Variants in R3HDM4 observed in about 807,000 individuals in gnomAD.
R3HDM4 encodes R3H domain-containing protein 4.
R3HDM4 carries 30 observed loss-of-function variants against 31.3 expected under a neutral mutation model. The ratio of observed to expected loss-of-function variants is 0.96; its 90% CI spans 0.72 to 1.30. The LOEUF (loss-of-function observed/expected upper bound fraction) is 1.30. R3HDM4 is among the 50% of genes most tolerant of loss of function. The pLI, the probability that R3HDM4 is intolerant of heterozygous loss-of-function variation, is 0.00. For synonymous variants in R3HDM4, 196 were observed against 156.6 expected, an observed-to-expected ratio of 1.25 and a Z score of -1.88; for missense variants, 444 against 366.1, an observed-to-expected ratio of 1.21 and a Z score of -1.74.
chr19:908,483 G>A (rs994817445), intron 1 of R3HDM4, among the ~76,000 whole-genome samples: 1 of 151,786 alleles, frequency 6.6e-6, no homozygotes, highest in Non-Finnish European at 1.5e-5. Flanking sequence ...AGTGGTGGGC[G>A]CCTGTGGTCC....
Position 899,324 on chromosome 19 carries a change from C to A in R3HDM4, c.703+116G>T. 2 of 1,075,626 alleles carry A rather than the reference C, an allele frequency of 1.9e-6. No individual in the cohort carries two copies. Among genetic ancestry groups the A allele is most frequent in the Non-Finnish European group, 2.8e-6 (2 of 714,046 alleles). 66.6% of individuals were successfully genotyped at this position (1,075,626 alleles called of 1,614,324 possible). A position where few individuals can be genotyped will look rare whatever the true frequency, so the allele number is the denominator to read the frequency against. ...TGAGTTCGTAGCGTCCCCACTCCAG[C>A]CCCCTTCCCCACCTCCCCACCAAGC... On this transcript the variant is annotated intron_variant, in intron 7 of 7. Coordinates refer to ENST00000361574, the MANE Select transcript of R3HDM4 (RefSeq NM_138774.4). This position sits in a 1 kb window ranked among gnomAD's most constrained non-coding sequence, Gnocchi z 6.8.
At chr19:900,036 G>C in intron 5 of R3HDM4, 25 bp downstream of exon 5, 1 of 1,608,582 alleles carries the variant, frequency 6.2e-7, no homozygotes, top group East Asian at 2.2e-5. Context: ...GGTAGAAAAG[G>C]GAGGCCCGGC....
rs2036752513 is a variant in R3HDM4 at position 897,392 on chromosome 19, T to G, written c.*45A>C. The G allele has an allele frequency of 7.0e-7, 1 of 1,421,232 alleles. No individual in the cohort carries two copies. The highest frequency in any genetic ancestry group is 2.2e-5 in the Admixed American group (1 of 44,890). 88.0% of individuals were successfully genotyped at this position (1,421,232 alleles called of 1,614,324 possible). A position where few individuals can be genotyped will look rare whatever the true frequency, so the allele number is the denominator to read the frequency against. On this transcript the variant is annotated 3_prime_UTR_variant, in exon 8 of 8. Coordinates refer to ENST00000361574, the MANE Select transcript of R3HDM4 (RefSeq NM_138774.4). ...ATTTTAGCCGAAGGTATCGGAGGGC[T>G]TGATGGCTGGGCGAGGTGGCAGCGG...
At position 898,100 on chromosome 19, in the gene R3HDM4, T is replaced by C. The variant is rs1265483929; in HGVS notation, c.704-560A>G. ...CTGACCAACATGGTGAAACCCTGTC[T>C]CTAGGGCTGGGCGCGGTGGCTTAAG... On this transcript the variant is annotated intron_variant, in intron 7 of 7. Coordinates refer to ENST00000361574, the MANE Select transcript of R3HDM4 (RefSeq NM_138774.4). Among the ~76,000 whole-genome samples, 4 of 152,056 alleles carry C rather than the reference T, an allele frequency of 2.6e-5. No individual in the cohort carries two copies. In the East Asian group the frequency reaches 7.7e-4, roughly 29 times the overall value.
In R3HDM4 at chr19:901,013, G is replaced by A. The variant is rs992969548; in HGVS notation, c.352-61C>T. 2.7e-5 allele frequency: 41 copies of A among 1,498,240 alleles called. 1 individual carries two copies. Among genetic ancestry groups the A allele is most frequent in the South Asian group, 2.7e-4 (20 of 75,134 alleles). The allele number at this position is 1,498,240 out of a possible 1,614,324, so 92.8% of individuals were successfully genotyped here. A position where few individuals can be genotyped will look rare whatever the true frequency, so the allele number is the denominator to read the frequency against. On this transcript the variant is annotated intron_variant, in intron 3 of 7. Transcript: ENST00000361574. ...ACACTGGGGCTGCGCTGACATCCCC[G>A]GGCAAATGGGCACGGTAAGGCCGCC...
In R3HDM4 at chr19:899,416, G is replaced by T; in HGVS notation, c.703+24C>A. On this transcript the variant is annotated intron_variant, in intron 7 of 7. Transcript: ENST00000361574. The surrounding 1 kb of genome is among the most constrained non-coding windows in gnomAD (Gnocchi z 6.8). ...CCCAGGTTGAGCTGGCCAACTTGGG[G>T]TCTTGGGGGCCACCGGCACTTACTG... The T allele has an allele frequency of 6.2e-7, 1 of 1,613,140 alleles. No individual in the cohort carries two copies. The highest frequency in any genetic ancestry group is 1.1e-5 in the South Asian group (1 of 91,070).
chr19:910,939 A>G (rs970698642), intron 1 of R3HDM4, among the ~76,000 whole-genome samples: 24 of 148,304 alleles, frequency 1.6e-4, no homozygotes, highest in Non-Finnish European at 2.2e-4. Flanking sequence ...CTCACACGGC[A>G]AAACCCCCGT....
intron 7 of R3HDM4, among the ~76,000 whole-genome samples, chr19:898,691 C>T (rs536572111): frequency 4.3e-4 from 65 of 152,242 alleles, no homozygotes; most frequent in Middle Eastern, 3.4e-3. Flanking sequence ...GGGACCCCCC[C>T]GTCCTCTACT....
At position 897,220 on chromosome 19, in the gene R3HDM4, T is replaced by A; in HGVS notation, c.*217A>T. The A allele has an allele frequency of 2.0e-6, 1 of 494,002 alleles. No individual in the cohort carries two copies. The highest frequency in any genetic ancestry group is 3.6e-6 in the Non-Finnish European group (1 of 280,044). 30.6% of individuals were successfully genotyped at this position (494,002 alleles called of 1,614,324 possible). A position where few individuals can be genotyped will look rare whatever the true frequency, so the allele number is the denominator to read the frequency against. On this transcript the variant is annotated 3_prime_UTR_variant, in exon 8 of 8. Coordinates refer to ENST00000361574, the MANE Select transcript of R3HDM4 (RefSeq NM_138774.4). Reference sequence around the variant, plus strand: ...CCCCACCCAAACACAAGTCCCGGAGTGGGAAGCTTGGAGCTGGGATGGCAT... The same window carrying A: ...CCCCACCCAAACACAAGTCCCGGAGAGGGAAGCTTGGAGCTGGGATGGCAT...
chr19:905,209 A>G (rs559002935), intron 1 of R3HDM4, among the ~76,000 whole-genome samples: 9 of 149,270 alleles, frequency 6.0e-5, no homozygotes, highest in Non-Finnish European at 1.3e-4. Context: ...CTTGGCCTCA[A>G]AAAAAAAAAG....
rs2036925887 is a variant in R3HDM4 at position 907,850 on chromosome 19, A to T, written c.71+5237T>A. 6.6e-6 allele frequency among the ~76,000 whole-genome samples: 1 copy of T among 152,166 alleles called. No individual in the cohort carries two copies. The highest frequency in any genetic ancestry group is 1.5e-5 in the Non-Finnish European group (1 of 68,020). On this transcript the variant is annotated intron_variant, in intron 1 of 7. Coordinates refer to ENST00000361574, the MANE Select transcript of R3HDM4 (RefSeq NM_138774.4). This position sits in a 1 kb window ranked among gnomAD's most constrained non-coding sequence, Gnocchi z 4.1. ...CCCCTGGGTCTCTAGTGCTGAGCTG[A>T]GCACTGGAAATCGAGTCCCACCATC...
At chr19:904,572 G>A (rs937120655) in intron 1 of R3HDM4, among the ~76,000 whole-genome samples, 3 of 151,966 alleles carry the variant, frequency 2.0e-5, no homozygotes, top group Non-Finnish European at 4.4e-5. Flanking sequence ...GGTGGCTCAT[G>A]CCTGTAATCC....
rs1182431690 is a variant in R3HDM4, at chr19:901,594, C to G, written c.227-48G>C. On this transcript the variant is annotated intron_variant, in intron 2 of 7. Coordinates refer to ENST00000361574, the MANE Select transcript of R3HDM4 (RefSeq NM_138774.4). ...TGGGCCGGGGTGGCATTTGGGGACC[C>G]CCAGGCACCATGGGGACCCAAGAAC... 11 of 1,577,536 alleles carry G rather than the reference C, an allele frequency of 7.0e-6. No individual in the cohort carries two copies. The Admixed American group carries it at 1.7e-4, about 25-fold the overall frequency.
In R3HDM4 at chr19:913,113, CT is replaced by C; in HGVS notation, c.44del (p.Glu15GlyfsTer19). 1 of 1,081,522 alleles carries C rather than the reference CT, an allele frequency of 9.2e-7. No individual in the cohort carries two copies. The highest frequency in any genetic ancestry group is 4.9e-5 in the Admixed American group (1 of 20,538). 67.0% of individuals were successfully genotyped at this position (1,081,522 alleles called of 1,614,324 possible). A position where few individuals can be genotyped will look rare whatever the true frequency, so the allele number is the denominator to read the frequency against. ...GCAGCCGCCGCCCGCCCGGGGTGCCCTCCGCCGCCTCCGGGCCGCACTCGGG... is the reference window on the plus strand; with the variant it reads ...GCAGCCGCCGCCCGCCCGGGGTGCCCCCGCCGCCTCCGGGCCGCACTCGGG... ...ENPECGPEAA[E>X]GTPGGRRLLP... On this transcript the variant is annotated frameshift_variant, in exon 1 of 8. Coordinates refer to ENST00000361574, the MANE Select transcript of R3HDM4 (RefSeq NM_138774.4). LOFTEE classifies it high-confidence loss of function. This position sits in a 1 kb window ranked among gnomAD's most constrained non-coding sequence, Gnocchi z 5.0.
intron 4 of R3HDM4, 94 bp from the exon 5 acceptor site, chr19:900,240 A>T: frequency 2.0e-6 from 2 of 989,224 alleles, no homozygotes; most frequent in Non-Finnish European, 2.9e-6. Context: ...GACCACGCCC[A>T]TCTGTGCCTT....
At chr19:908,887 C>T (rs1015480139) in intron 1 of R3HDM4, among the ~76,000 whole-genome samples, 9 of 152,132 alleles carry the variant, frequency 5.9e-5, no homozygotes, top group South Asian at 2.1e-4. Context: ...AGACAGGGTC[C>T]GCCCCCCGCC....
In R3HDM4 at chr19:913,171, T is replaced by TCGCCGCCGC. The variant is rs947644831; in HGVS notation, c.-23_-15dup. On this transcript the variant is annotated 5_prime_UTR_variant, in exon 1 of 8. Coordinates refer to ENST00000361574, the MANE Select transcript of R3HDM4 (RefSeq NM_138774.4). This position sits in a 1 kb window ranked among gnomAD's most constrained non-coding sequence, Gnocchi z 5.0. ...CAGCGCGACCATGGCTCGCACGCTG[T>TCGCCGCCGC]CGCCGCCGCCGCCGCCCGGCAGGGC... The TCGCCGCCGC allele has an allele frequency of 2.8e-6, 3 of 1,063,568 alleles. No individual in the cohort carries two copies. Among genetic ancestry groups the TCGCCGCCGC allele is most frequent in the East Asian group, 7.4e-5 (1 of 13,602 alleles). 65.9% of individuals were successfully genotyped at this position (1,063,568 alleles called of 1,614,324 possible). A position where few individuals can be genotyped will look rare whatever the true frequency, so the allele number is the denominator to read the frequency against.
At chr19:902,247 C>A (rs1471815) in intron 1 of R3HDM4, 117 bp from the exon 2 acceptor site, 1 of 1,126,078 alleles carries the variant, frequency 8.9e-7, no homozygotes, top group Admixed American at 2.2e-5. Flanking sequence ...CTCACCCCTA[C>A]GGTGTGTGAA....
chr19:902,080 A>G lies in R3HDM4; in HGVS notation c.122T>C (p.Leu41Pro). Residue 41 changes from leucine (L) to proline (P), a missense_variant, in exon 2 of 8, where the codon CTC becomes CCC. By Grantham distance (98) the Leu-to-Pro change is moderately conservative. Transcript: ENST00000361574. ...PALASSQVKR[L>P]SASRRKQHFI... Reference sequence around the variant, plus strand: ...GTGCTGTTTCCGCCTGGAAGCCGAGAGTCTCTTCACCTGGGAGCTGGCTAG... The same window carrying G: ...GTGCTGTTTCCGCCTGGAAGCCGAGGGTCTCTTCACCTGGGAGCTGGCTAG... 6.2e-7 allele frequency: 1 copy of G among 1,613,792 alleles called. No individual in the cohort carries two copies. Among genetic ancestry groups the G allele is most frequent in the Non-Finnish European group, 8.5e-7 (1 of 1,179,976 alleles).
Sources: gnomAD v4.1 joint callset for allele counts (sites outside exome capture counted in the v4.1 genomes callset) on GRCh38, gnomAD v4.1.1 for gene constraint, Gnocchi (gnomAD v3.1) non-coding constraint, MANE v1.5 for transcripts, NCBI Gene and HGNC (gene_info 2026-07-23, HGNC 2026-07-21) for gene names.